CCDC88A: variants seen among roughly 807,000 people sequenced by gnomAD.
CCDC88A encodes the protein coiled-coil and HOOK domain protein 88A, also known as girdin.
CCDC88A carries 54 observed loss-of-function variants against 234.3 expected under a neutral mutation model. That is an observed-to-expected ratio of 0.23 (90% CI 0.19 to 0.29). The LOEUF is 0.29. Among genes scored for constraint, CCDC88A ranks in the 10% least tolerant of loss-of-function variants. CCDC88A has a pLI of 1.00. For synonymous variants in CCDC88A, 753 were observed against 737.8 expected (o/e 1.02, Z -0.33); for missense variants, 1,832 against 2,123.4 (o/e 0.86, Z 2.70).
At chr2:55,389,985 G>A (rs1386622222) in intron 2 of CCDC88A, among the ~76,000 whole-genome samples, 2 of 139,212 alleles carry the variant, frequency 1.4e-5, no homozygotes. Context: ...AGGTTGCAGT[G>A]AGCCAGGATC....
chr2:55,305,036 C>G (rs1303791801), intron 25 of CCDC88A, among the ~76,000 whole-genome samples: 2 of 152,108 alleles, frequency 1.3e-5, no homozygotes, highest in Non-Finnish European at 2.9e-5. Context: ...TTTAGTTTGA[C>G]CTATTTCTTT....
At chr2:55,362,559 A>C in intron 6 of CCDC88A, 111 bp from the exon 7 acceptor site, 1 of 775,718 alleles carries the variant, frequency 1.3e-6, no homozygotes. Context: ...ATAAAATATG[A>C]AAAGCCAATA....
chr2:55,405,656 C>G (rs1679425971), intron 2 of CCDC88A: 2 of 152,306 alleles, frequency 1.3e-5, no homozygotes, highest in Non-Finnish European at 2.9e-5. Flanking sequence ...CACCTGAGCT[C>G]TGCCTCCTGT....
At chr2:55,345,544 G>A (rs1669002696) in intron 10 of CCDC88A, 1 of 152,484 alleles carries the variant, frequency 6.6e-6, no homozygotes, top group African/African-American at 2.4e-5. Context: ...TTACAGGCAT[G>A]CGCCACCATG....
chr2:55,405,519 TAGTC>T (rs1227578362), intron 2 of CCDC88A: 4 of 152,250 alleles, frequency 2.6e-5, no homozygotes, highest in East Asian at 1.9e-4. Flanking sequence ...AGGTTTGTCT[TAGTC>T]AGTATACACA....
intron 2 of CCDC88A, among the ~76,000 whole-genome samples, chr2:55,416,398 A>G (rs1361176935): frequency 8.8e-5 from 11 of 124,316 alleles, no homozygotes; most frequent in South Asian, 8.1e-4. Context: ...TATATATGTA[A>G]CTGGACTTCC....
Position 55,384,590 on chromosome 2 carries a change from C to T in CCDC88A, c.273+4188G>A, listed in dbSNP as rs1169365474. 3.1e-3 allele frequency among the ~76,000 whole-genome samples: 6 copies of T among 1,950 alleles called. 1 individual carries two copies. The highest frequency in any genetic ancestry group is 0.014 in the Non-Finnish European group (6 of 418). The allele number at this position is 1,950 out of a possible 152,430, so 1.3% of individuals were successfully genotyped here. ...ATATACGTATATATGTGTATATATA[C>T]ACATATATACGTATATATGTGTATA... On this transcript the variant is annotated intron_variant, in intron 3 of 32. Coordinates refer to ENST00000436346, the MANE Select transcript of CCDC88A (RefSeq NM_001365480.1).
In CCDC88A at chr2:55,335,991, G is replaced by A. The variant is rs1378979532; in HGVS notation, c.1656+690C>T. ...GAATATCACTTCAGCTCAGGGGTTTGAGACCAGCCTGGGGAGCATAGTGAT... is the reference window on the plus strand; with the variant it reads ...GAATATCACTTCAGCTCAGGGGTTTAAGACCAGCCTGGGGAGCATAGTGAT... On this transcript the variant is annotated intron_variant, in intron 14 of 32. Transcript: ENST00000436346. The surrounding 1 kb of genome is among the most constrained non-coding windows in gnomAD (Gnocchi z 4.5). Among the ~76,000 whole-genome samples, 1 of 151,920 alleles carries A rather than the reference G, an allele frequency of 6.6e-6. No individual in the cohort carries two copies. The highest frequency in any genetic ancestry group is 1.5e-5 in the Non-Finnish European group (1 of 67,998).
At chr2:55,372,640 G>A (rs1008743938) in intron 4 of CCDC88A, 130 bp from the exon 5 acceptor site, 10 of 499,068 alleles carry the variant, frequency 2.0e-5, no homozygotes, top group Admixed American at 1.9e-4. Context: ...CATATGTAGT[G>A]GAGCATTCAA....
At chr2:55,322,856 T>C (rs1183735681) in intron 17 of CCDC88A, 164 bp from the exon 18 acceptor site, 1 of 424,944 alleles carries the variant, frequency 2.4e-6, no homozygotes, top group Non-Finnish European at 4.1e-6. Flanking sequence ...ATGTAAATCC[T>C]TTCCTCCTAG....
intron 3 of CCDC88A, among the ~76,000 whole-genome samples, chr2:55,386,915 C>T (rs1313035035): frequency 6.6e-6 from 1 of 151,772 alleles, no homozygotes; most frequent in Non-Finnish European, 1.5e-5. Context: ...CGGCTCATGC[C>T]TACAATCCTA....
chr2:55,381,485 G>A (rs143298460), intron 3 of CCDC88A, among the ~76,000 whole-genome samples: 1,762 of 147,324 alleles, frequency 0.012, 23 homozygotes, highest in Middle Eastern at 0.022. Flanking sequence ...CCCAGGAGGC[G>A]GAGGTTGCAG....
chr2:55,336,533 G>T, intron 14 of CCDC88A, 148 bp downstream of exon 14: 1 of 498,542 alleles, frequency 2.0e-6, no homozygotes. Context: ...GTTAGAAAAT[G>T]AGGTAAAATT....
rs2104682525 is a variant in CCDC88A at position 55,332,440 on chromosome 2, G to A, written c.2855+126C>T. On this transcript the variant is annotated intron_variant, in intron 16 of 32. Transcript: ENST00000436346. The surrounding 1 kb of genome is among the most constrained non-coding windows in gnomAD (Gnocchi z 4.5). Reference sequence around the variant, plus strand: ...CCCGGCTACAGAACTTTCCTTAAGGGAAGGAAGGAACCAGAAATAGGGTGA... The same window carrying A: ...CCCGGCTACAGAACTTTCCTTAAGGAAAGGAAGGAACCAGAAATAGGGTGA... 1.4e-6 allele frequency: 2 copies of A among 1,381,134 alleles called. No homozygotes were observed. The highest frequency in any genetic ancestry group is 2.8e-5 in the Admixed American group (1 of 35,174). The allele number at this position is 1,381,134 out of a possible 1,614,324, so 85.6% of individuals were successfully genotyped here.
Position 55,317,377 on chromosome 2 carries a change from T to C in CCDC88A, c.3603-28A>G, listed in dbSNP as rs1359999140. On this transcript the variant is annotated intron_variant, in intron 20 of 32. Transcript: ENST00000436346. This position sits in a 1 kb window ranked among gnomAD's most constrained non-coding sequence, Gnocchi z 4.2. ...GGGGGGAAAAAAGGCATTTGGTTTA[T>C]AATATTTACAAAAAAGAAATTTTAG... 3 of 1,422,684 alleles carry C rather than the reference T, an allele frequency of 2.1e-6. No homozygotes were observed. Among genetic ancestry groups the C allele is most frequent in the Non-Finnish European group, 2.8e-6 (3 of 1,076,470 alleles). 88.1% of individuals were successfully genotyped at this position (1,422,684 alleles called of 1,614,324 possible). A position where few individuals can be genotyped will look rare whatever the true frequency, so the allele number is the denominator to read the frequency against.
intron 5 of CCDC88A, among the ~76,000 whole-genome samples, chr2:55,371,105 G>A (rs1040697483): frequency 2.0e-5 from 3 of 152,090 alleles, no homozygotes; most frequent in Admixed American, 2.0e-4. Flanking sequence ...CCATATTTAT[G>A]CTATTGCTAT....
chr2:55,362,926 T>C (rs924587934), intron 6 of CCDC88A, among the ~76,000 whole-genome samples: 3 of 152,004 alleles, frequency 2.0e-5, no homozygotes, highest in Non-Finnish European at 4.4e-5. Flanking sequence ...GGATTACCAA[T>C]ATAAAGATCT....
chr2:55,354,794 TGAC>T (rs1012489372), intron 8 of CCDC88A, among the ~76,000 whole-genome samples: 24 of 151,988 alleles, frequency 1.6e-4, no homozygotes, highest in African/African-American at 5.8e-4. Flanking sequence ...CTTGAACTCC[TGAC>T]CTCAGGCAAT....
intron 2 of CCDC88A, among the ~76,000 whole-genome samples, chr2:55,401,440 A>G (rs1429289920): frequency 7.7e-5 from 2 of 25,866 alleles, no homozygotes; most frequent in East Asian, 8.1e-4. Context: ...TCTCCAAAAA[A>G]AAAAAAAATA....
Sources: gnomAD v4.1 joint callset for allele counts (sites outside exome capture counted in the v4.1 genomes callset) on GRCh38, gnomAD v4.1.1 for gene constraint, Gnocchi (gnomAD v3.1) non-coding constraint, MANE v1.5 for transcripts, NCBI Gene and HGNC (gene_info 2026-07-23, HGNC 2026-07-21) for gene names.